Variants in PCDHA7 observed in about 807,000 individuals in gnomAD.
PCDHA7 encodes protocadherin alpha-7.
In PCDHA7, 37 loss-of-function variants were observed where a neutral mutation model predicts 57.2. That is an observed-to-expected ratio of 0.65 (90% confidence interval 0.50 to 0.85). The LOEUF (loss-of-function observed/expected upper bound fraction) is 0.85. PCDHA7 is among the 40% of genes least tolerant of loss of function. The pLI, the probability that PCDHA7 is intolerant of heterozygous loss-of-function variation, is 0.00. For synonymous variants in PCDHA7, 553 were observed against 558.8 expected (o/e 0.99, Z 0.15); for missense variants, 1,188 against 1,241.8 (o/e 0.96, Z 0.65).
intron 1 of PCDHA7, among the ~76,000 whole-genome samples, chr5:140,900,209 G>A (rs918328130): frequency 6.6e-6 from 1 of 152,146 alleles, no homozygotes; most frequent in Non-Finnish European, 1.5e-5. Context: ...GTTTCATCCA[G>A]GTTGTTGCAA....
At chr5:140,917,495 AATG>A (rs1391932074) in intron 1 of PCDHA7, among the ~76,000 whole-genome samples, 1 of 152,174 alleles carries the variant, frequency 6.6e-6, no homozygotes, top group Non-Finnish European at 1.5e-5. Flanking sequence ...CTATGCCCAG[AATG>A]ATATTTTCTA....
chr5:140,959,449 A>G (rs2095488988), intron 1 of PCDHA7, among the ~76,000 whole-genome samples: 1 of 152,196 alleles, frequency 6.6e-6, no homozygotes, highest in South Asian at 2.1e-4. Context: ...TTTTGTGCTG[A>G]AAAGCTGAAG....
At chr5:140,844,257 G>C (rs1328189428) in intron 1 of PCDHA7, among the ~76,000 whole-genome samples, 7 of 149,406 alleles carry the variant, frequency 4.7e-5, no homozygotes, top group African/African-American at 1.7e-4. Context: ...AAGCAGTGTA[G>C]TGATAAAATA....
chr5:140,901,575 C>T (rs1554189900), intron 1 of PCDHA7, among the ~76,000 whole-genome samples: 1 of 152,030 alleles, frequency 6.6e-6, no homozygotes, highest in African/African-American at 2.4e-5. Context: ...GTTTTTATGC[C>T]AGTGCCATGA....
chr5:140,836,071 C>T lies in PCDHA7; in HGVS notation c.1688C>T (p.Pro563Leu), dbSNP rs2150251957. 10 of 1,613,504 alleles carry T rather than the reference C, an allele frequency of 6.2e-6. No homozygotes were observed. The East Asian group carries it at 1.8e-4, about 29-fold the overall frequency. ...VFVLDENDNA[P>L]ALLAPRVGGT... The stretch of plus-strand genomic sequence containing the variant: ...GTGCTGGACGAGAACGACAACGCGC[C>T]GGCACTGCTGGCGCCTCGGGTGGGT... The change falls in exon 1 of 4, where the codon CCG becomes CTG. Residue 563 changes from proline (P) to leucine (L), a missense_variant. By Grantham distance (98) the Pro-to-Leu change is moderately conservative. Around this residue, in one of 3 missense-constraint regions of PCDHA7, gnomAD observed 892 missense variants for 788.5 expected, o/e 1.13. Transcript: ENST00000525929.
chr5:141,011,626 C>T lies in PCDHA7; in HGVS notation c.*1689C>T, dbSNP rs1340546254. 6.5e-6 allele frequency: 1 copy of T among 153,668 alleles called. No individual in the cohort carries two copies. Among genetic ancestry groups the T allele is most frequent in the Non-Finnish European group, 1.5e-5 (1 of 68,026 alleles). The allele number at this position is 153,668 out of a possible 1,614,324, so 9.5% of individuals were successfully genotyped here. On this transcript the variant is annotated 3_prime_UTR_variant, in exon 4 of 4. Transcript: ENST00000525929. Reference sequence around the variant, plus strand: ...ATTTTATTTATGGTCCAGCCAAGAGCCATCTCGTGCCAAGACTTCTGCTGG... The same window carrying T: ...ATTTTATTTATGGTCCAGCCAAGAGTCATCTCGTGCCAAGACTTCTGCTGG...
chr5:140,904,828 A>G (rs1196362639), intron 1 of PCDHA7, among the ~76,000 whole-genome samples: 7 of 151,794 alleles, frequency 4.6e-5, no homozygotes, highest in African/African-American at 1.7e-4. Flanking sequence ...GCATTTTTTT[A>G]TATGTTTCAT....
chr5:140,877,162 G>T (rs782642663), intron 1 of PCDHA7: 3 of 1,613,832 alleles, frequency 1.9e-6, no homozygotes, highest in Non-Finnish European at 1.7e-6. Context: ...CAACGCGCCG[G>T]CACTGCTGGC....
chr5:140,868,892 A>C (rs1450985948), intron 1 of PCDHA7: 8 of 760,982 alleles, frequency 1.1e-5, no homozygotes, highest in Non-Finnish European at 1.6e-5. Context: ...TTTTAGGCGC[A>C]AGGTGTCGCT....
At chr5:140,928,890 CTT>C in intron 1 of PCDHA7, 1 of 1,614,182 alleles carries the variant, frequency 6.2e-7, no homozygotes, top group South Asian at 1.1e-5. Context: ...TACTTCCAGA[CTT>C]TGAAGATGTC....
At chr5:140,855,786 GAATT>G (rs2043624411) in intron 1 of PCDHA7, 1 of 434,404 alleles carries the variant, frequency 2.3e-6, no homozygotes, top group Non-Finnish European at 4.1e-6. Context: ...CGTAAAAAAA[GAATT>G]AACATATGAA....
intron 1 of PCDHA7, chr5:140,843,640 C>G: frequency 6.3e-7 from 1 of 1,595,494 alleles, no homozygotes; most frequent in Non-Finnish European, 8.6e-7. Flanking sequence ...TGGCCTTCAG[C>G]CCCTGCCTTC....
intron 3 of PCDHA7, among the ~76,000 whole-genome samples, chr5:140,991,246 AT>A (rs1239917412): frequency 6.6e-6 from 1 of 152,206 alleles, no homozygotes; most frequent in African/African-American, 2.4e-5. Context: ...TAAAGGCAGT[AT>A]TTGAACTCAT....
chr5:140,838,779 A>G (rs1039097840), intron 1 of PCDHA7, among the ~76,000 whole-genome samples: 2 of 152,056 alleles, frequency 1.3e-5, no homozygotes, highest in Admixed American at 6.5e-5. Flanking sequence ...AAAATTAGCT[A>G]TGCATGGTGA....
At chr5:140,851,728 C>A in intron 1 of PCDHA7, 1 of 969,738 alleles carries the variant, frequency 1.0e-6, no homozygotes, top group Non-Finnish European at 1.2e-6. Context: ...ACTTCGAGTT[C>A]TTTTGAAATT....
chr5:140,887,224 G>A (rs1554182948), intron 1 of PCDHA7, among the ~76,000 whole-genome samples: 1 of 151,812 alleles, frequency 6.6e-6, no homozygotes, highest in Non-Finnish European at 1.5e-5. Context: ...AGCCTCCCGA[G>A]TAGCTGAGAC....
intron 3 of PCDHA7, among the ~76,000 whole-genome samples, chr5:140,999,234 G>T (rs1327126129): frequency 1.3e-5 from 2 of 152,232 alleles, no homozygotes; most frequent in African/African-American, 4.8e-5. Context: ...AGAATAGGTG[G>T]TTAAAGTGGG....
intron 1 of PCDHA7, chr5:140,966,752 C>T (rs1013247328): frequency 3.5e-6 from 5 of 1,432,026 alleles, no homozygotes; most frequent in Non-Finnish European, 4.6e-6. Flanking sequence ...GCTGCCTCCG[C>T]CGCGGCCAGT....
intron 2 of PCDHA7, among the ~76,000 whole-genome samples, chr5:140,980,561 C>T (rs1430874214): frequency 6.6e-6 from 1 of 151,974 alleles, no homozygotes; most frequent in Admixed American, 6.6e-5. Context: ...ACCCGGGAGG[C>T]GGAAGTTGCA....
Sources: allele counts gnomAD v4.1 joint callset (sites outside exome capture counted in the v4.1 genomes callset), GRCh38; gene constraint gnomAD v4.1.1; regional missense constraint gnomAD v4.1.1; transcripts MANE v1.5; gene names NCBI Gene and HGNC (gene_info 2026-07-23, HGNC 2026-07-21).